ZFYVE21: variants seen among roughly 807,000 people sequenced by gnomAD.
ZFYVE21 encodes zinc finger FYVE-type containing 21, also known as zinc finger FYVE domain-containing protein 21.
A neutral mutation model predicts 29.5 loss-of-function variants in ZFYVE21; 21 were observed. The ratio of observed to expected loss-of-function variants is 0.71; its 90% CI spans 0.50 to 1.02. The LOEUF (loss-of-function observed/expected upper bound fraction) is 1.02, where lower values mean the gene tolerates loss of function less well. ZFYVE21 is among the 50% of genes least tolerant of loss of function. The probability of loss-of-function intolerance (pLI) is 0.00; values close to 1 mark genes in which losing one functional copy is unlikely to be tolerated. For missense variants in ZFYVE21, 326 were observed against 335.4 expected (o/e 0.97, Z 0.22); for synonymous variants, 151 against 133.8 (o/e 1.13, Z -0.89).
At chr14:103,729,383 AACTGT>A (rs2083955502) in intron 5 of ZFYVE21, 3 of 596,586 alleles carry the variant, frequency 5.0e-6, no homozygotes, top group Admixed American at 3.1e-5. Flanking sequence ...TGGAGACTTA[AACTGT>A]AAGACAACAA....
At chr14:103,724,051 G>C (rs531209896) in intron 1 of ZFYVE21, among the ~76,000 whole-genome samples, 1 of 152,322 alleles carries the variant, frequency 6.6e-6, no homozygotes, top group African/African-American at 2.4e-5. Context: ...TGCAGGGCAG[G>C]GAAGAGTCCC....
chr14:103,730,912 C>T (rs2083967613), intron 5 of ZFYVE21: 1 of 152,300 alleles, frequency 6.6e-6, no homozygotes, highest in South Asian at 2.1e-4. Context: ...GAGCCATGGT[C>T]GCCCTGCTCT....
At position 103,733,034 on chromosome 14, in the gene ZFYVE21, A is replaced by G. The variant is rs1264432464; in HGVS notation, c.*16A>G. The G allele has an allele frequency of 1.9e-6, 3 of 1,613,936 alleles. No individual in the cohort carries two copies. Among genetic ancestry groups the G allele is most frequent in the Non-Finnish European group, 2.5e-6 (3 of 1,180,024 alleles). The stretch of plus-strand genomic sequence containing the variant: ...GGACCAGTAACTCTACGTGGGGCTG[A>G]GCTTGGAGTACGTGTGGTCACCAGG... On this transcript the variant is annotated 3_prime_UTR_variant, in exon 7 of 7. Coordinates refer to ENST00000311141, the MANE Select transcript of ZFYVE21 (RefSeq NM_024071.4).
chr14:103,716,857 G>A lies in ZFYVE21; in HGVS notation c.138+878G>A, dbSNP rs2083824509. On this transcript the variant is annotated intron_variant, in intron 1 of 6. Transcript: ENST00000311141. This position sits in a 1 kb window ranked among gnomAD's most constrained non-coding sequence, Gnocchi z 4.8. ...GTGCATTTAATCCCACTGGCTGTGCGCTAACAGGTGTGTCCAGTTTCTGTT... is the reference window on the plus strand; with the variant it reads ...GTGCATTTAATCCCACTGGCTGTGCACTAACAGGTGTGTCCAGTTTCTGTT... Among the ~76,000 whole-genome samples the A allele has an allele frequency of 6.6e-6, 1 of 152,176 alleles. No individual in the cohort carries two copies. Among genetic ancestry groups the A allele is most frequent in the South Asian group, 2.1e-4 (1 of 4,834 alleles).
chr14:103,727,607 G>A (rs748479390), intron 2 of ZFYVE21, 139 bp from the exon 3 acceptor site: 6 of 1,101,596 alleles, frequency 5.4e-6, no homozygotes, highest in Non-Finnish European at 8.0e-6. Context: ...GCTGGCGACA[G>A]GAGGTGCGCG....
chr14:103,729,942 G>A (rs1272372366), intron 5 of ZFYVE21: 3 of 1,370,310 alleles, frequency 2.2e-6, no homozygotes, highest in Admixed American at 2.4e-5. Flanking sequence ...TCCATGCCAA[G>A]GTTCTTTGTG....
At chr14:103,727,380 C>T (rs2083937854) in intron 2 of ZFYVE21, 1 of 385,596 alleles carries the variant, frequency 2.6e-6, no homozygotes, top group Non-Finnish European at 5.1e-6. Flanking sequence ...CCCTCTGCCC[C>T]CTCCGCCCCG....
At chr14:103,720,979 C>G (rs374982128) in intron 1 of ZFYVE21, among the ~76,000 whole-genome samples, 2 of 152,110 alleles carry the variant, frequency 1.3e-5, no homozygotes, top group East Asian at 3.8e-4. Context: ...CCCGCCACCA[C>G]GCCCAGCTAA....
chr14:103,725,654 G>C (rs1259205284), intron 1 of ZFYVE21: 1 of 152,286 alleles, frequency 6.6e-6, no homozygotes, highest in Non-Finnish European at 1.5e-5. Flanking sequence ...GTCAGTGGGG[G>C]GCTTCAGCAT....
intron 2 of ZFYVE21, 162 bp from the exon 3 acceptor site, chr14:103,727,583 TG>T: frequency 1.2e-6 from 1 of 857,348 alleles, no homozygotes; most frequent in Non-Finnish European, 1.9e-6. Context: ...CGCTGCGTGG[TG>T]GGGAGCCCAG....
Position 103,726,684 on chromosome 14 carries a change from T to C in ZFYVE21, c.139-108T>C, listed in dbSNP as rs2083927642. 1.0e-5 allele frequency: 14 copies of C among 1,369,758 alleles called. No homozygotes were observed. The South Asian group carries it at 1.6e-4, about 15-fold the overall frequency. The allele number at this position is 1,369,758 out of a possible 1,614,324, so 84.9% of individuals were successfully genotyped here. On this transcript the variant is annotated intron_variant, in intron 1 of 6. Transcript: ENST00000311141. Reference sequence around the variant, plus strand: ...CCCTGCCTGCCTCAGGCTGCTTGGGTGCGTGGGGAGGTGGCAGGGCCCAGC... The same window carrying C: ...CCCTGCCTGCCTCAGGCTGCTTGGGCGCGTGGGGAGGTGGCAGGGCCCAGC...
chr14:103,727,701 T>A, intron 2 of ZFYVE21, 45 bp from the exon 3 acceptor site: 1 of 1,593,200 alleles, frequency 6.3e-7, no homozygotes, highest in Non-Finnish European at 8.5e-7. Context: ...CGGGGCCGCT[T>A]GTTCCCTGCC....
At chr14:103,728,142 T>A (rs2083945651) in intron 3 of ZFYVE21, 1 of 480,418 alleles carries the variant, frequency 2.1e-6, no homozygotes, top group East Asian at 4.2e-5. Flanking sequence ...GCTGGGCACG[T>A]CCATCAGGTG....
intron 5 of ZFYVE21, chr14:103,730,831 G>A (rs2083966983): frequency 6.6e-6 from 1 of 152,510 alleles, no homozygotes; most frequent in South Asian, 2.1e-4. Context: ...GGCGGCTGCA[G>A]AAGACAGGGT....
intron 1 of ZFYVE21, among the ~76,000 whole-genome samples, chr14:103,721,654 A>T (rs1482675963): frequency 6.6e-6 from 1 of 152,226 alleles, no homozygotes; most frequent in African/African-American, 2.4e-5. Context: ...GATGGGTGTT[A>T]TTAGGGGCAC....
At chr14:103,727,034 C>T in intron 2 of ZFYVE21, 192 bp downstream of exon 2, 1 of 557,186 alleles carries the variant, frequency 1.8e-6, no homozygotes, top group Non-Finnish European at 3.2e-6. Flanking sequence ...CAACCTCTGC[C>T]TCTCAGGTTC....
chr14:103,733,124 T>G lies in ZFYVE21; in HGVS notation c.*106T>G. 6.8e-7 allele frequency: 1 copy of G among 1,467,090 alleles called. No homozygotes were observed. The highest frequency in any genetic ancestry group is 1.2e-5 in the South Asian group (1 of 84,912). The allele number at this position is 1,467,090 out of a possible 1,614,324, so 90.9% of individuals were successfully genotyped here. On this transcript the variant is annotated 3_prime_UTR_variant, in exon 7 of 7. Coordinates refer to ENST00000311141, the MANE Select transcript of ZFYVE21 (RefSeq NM_024071.4). ...CCACAGGGATTAATCCTGCTTGTGCTGGGAAATGCAACTCACTCATGTATT... is the reference window on the plus strand; with the variant it reads ...CCACAGGGATTAATCCTGCTTGTGCGGGGAAATGCAACTCACTCATGTATT...
intron 5 of ZFYVE21, chr14:103,730,015 T>C: frequency 2.7e-6 from 2 of 740,548 alleles, no homozygotes; most frequent in Non-Finnish European, 4.3e-6. Context: ...AGTGGGTTTA[T>C]AAAGCATAAA....
Position 103,715,993 on chromosome 14 carries a change from G to T in ZFYVE21, c.138+14G>T. On this transcript the variant is annotated intron_variant, in intron 1 of 6. Coordinates refer to ENST00000311141, the MANE Select transcript of ZFYVE21 (RefSeq NM_024071.4). ...CCGGACAAGGAGGTGGGTGGCCGTC[G>T]CCCCGGCCAGCGCCTCCGACCCGCC... 8.0e-7 allele frequency: 1 copy of T among 1,242,372 alleles called. No homozygotes were observed. The allele number at this position is 1,242,372 out of a possible 1,614,324, so 77.0% of individuals were successfully genotyped here.
Sources: allele counts gnomAD v4.1 joint callset (sites outside exome capture counted in the v4.1 genomes callset), GRCh38; gene constraint gnomAD v4.1.1; non-coding constraint Gnocchi (gnomAD v3.1); transcripts MANE v1.5; gene names NCBI Gene and HGNC (gene_info 2026-07-23, HGNC 2026-07-21).